ANXA13: variants seen among roughly 807,000 people sequenced by gnomAD.
ANXA13 encodes annexin A13.
Under a neutral mutation model 46.6 loss-of-function variants are expected in ANXA13, and 36 were observed. That is an observed-to-expected ratio of 0.77 (90% confidence interval 0.59 to 1.02). The LOEUF (loss-of-function observed/expected upper bound fraction) is 1.02, where lower values mean the gene tolerates loss of function less well. ANXA13 is among the 50% of genes least tolerant of loss of function. ANXA13 has a pLI of 0.00. For missense variants in ANXA13, 417 were observed against 396.5 expected, an observed-to-expected ratio of 1.05 and a Z score of -0.44; for synonymous variants, 163 against 152.9, an observed-to-expected ratio of 1.07 and a Z score of -0.49.
intron 10 of ANXA13, among the ~76,000 whole-genome samples, chr8:123,683,659 T>C (rs1286299803): frequency 6.7e-6 from 1 of 149,006 alleles, no homozygotes; most frequent in Non-Finnish European, 1.5e-5. Flanking sequence ...CCATCTTGGC[T>C]CACTGCAACC....
Position 123,698,564 on chromosome 8 carries a change from C to A in ANXA13, c.187-5G>T, listed in dbSNP as rs1813388759. On this transcript the variant is annotated splice_polypyrimidine_tract_variant and splice_region_variant and intron_variant, in intron 3 of 10. Transcript: ENST00000419625. ...CTTGAGTACTTCCTCCAGCTCCTAC[C>A]AGAAGACAGTGAGAGACGTGCTGGG... 6.2e-7 allele frequency: 1 copy of A among 1,613,580 alleles called. No individual in the cohort carries two copies. The highest frequency in any genetic ancestry group is 1.1e-5 in the South Asian group (1 of 91,056).
At chr8:123,703,400 G>A (rs1813482686) in intron 2 of ANXA13, among the ~76,000 whole-genome samples, 1 of 152,188 alleles carries the variant, frequency 6.6e-6, no homozygotes, top group Non-Finnish European at 1.5e-5. Context: ...TTGAAGTGAT[G>A]AAAATGTTCT....
intron 1 of ANXA13, among the ~76,000 whole-genome samples, chr8:123,736,923 A>C (rs1814280465): frequency 7.6e-6 from 1 of 131,260 alleles, no homozygotes; most frequent in African/African-American, 3.0e-5. Context: ...ATCTCGGCTT[A>C]TTGCAACCTC....
chr8:123,694,699 G>T (rs543484799), intron 6 of ANXA13, among the ~76,000 whole-genome samples: 1 of 152,180 alleles, frequency 6.6e-6, no homozygotes, highest in Admixed American at 6.5e-5. Context: ...CTGACCAAAG[G>T]ACTCAGCGAA....
chr8:123,726,452 C>T (rs1813995440), intron 1 of ANXA13, among the ~76,000 whole-genome samples: 1 of 152,214 alleles, frequency 6.6e-6, no homozygotes, highest in South Asian at 2.1e-4. Flanking sequence ...ACAATGTGGG[C>T]ATCCTGCCAT....
intron 2 of ANXA13, among the ~76,000 whole-genome samples, chr8:123,708,323 A>G (rs1463712482): frequency 6.6e-6 from 1 of 152,174 alleles, no homozygotes; most frequent in Non-Finnish European, 1.5e-5. Flanking sequence ...TTTTCTGGGA[A>G]GATACCGAGT....
intron 9 of ANXA13, among the ~76,000 whole-genome samples, chr8:123,685,723 T>C (rs1813129796): frequency 6.6e-6 from 1 of 152,086 alleles, no homozygotes; most frequent in Admixed American, 6.6e-5. Flanking sequence ...CCAGCCGCCT[T>C]TTACAGGCCA....
rs930629781 is a variant in ANXA13, at chr8:123,681,329, G to A, written c.862C>T (p.Gln288Ter). Residue 288 changes from glutamine (Q) to a stop codon, truncating the protein, a stop_gained, in exon 11 of 11, where the codon CAA (glutamine) becomes TAA (stop). Transcript: ENST00000419625. LOFTEE classifies it high-confidence loss of function. ...VDLQGIKAKF[Q>*]EKYQKSLSDM... The stretch of plus-strand genomic sequence containing the variant: ...GAGAGAGACTTCTGATACTTCTCTT[G>A]GAACTTTGCTTTGATCCCCTGAAGG... 6.2e-6 allele frequency: 10 copies of A among 1,613,886 alleles called. No homozygotes were observed. The highest frequency in any genetic ancestry group is 1.1e-5 in the South Asian group (1 of 91,054).
At chr8:123,686,345 A>G (rs1196313437) in intron 9 of ANXA13, among the ~76,000 whole-genome samples, 1 of 151,904 alleles carries the variant, frequency 6.6e-6, no homozygotes, top group African/African-American at 2.4e-5. Flanking sequence ...TGGTAATCCC[A>G]GTTACTTGAG....
At chr8:123,684,115 C>T (rs568102367) in intron 10 of ANXA13, among the ~76,000 whole-genome samples, 4 of 152,132 alleles carry the variant, frequency 2.6e-5, no homozygotes, top group African/African-American at 7.2e-5. Flanking sequence ...TGAAGAAACA[C>T]GTGTCTAAAA....
At position 123,690,314 on chromosome 8, in the gene ANXA13, C is replaced by A. The variant is rs1813211063; in HGVS notation, c.643-1368G>T. On this transcript the variant is annotated intron_variant, in intron 8 of 10. Transcript: ENST00000419625. The surrounding 1 kb of genome is among the most constrained non-coding windows in gnomAD (Gnocchi z 4.6). Reference sequence around the variant, plus strand: ...AGGGATTTTAAATTTTCTGTAGAATCTCAGCCTACAAAACAGATGAAAGCA... The same window carrying A: ...AGGGATTTTAAATTTTCTGTAGAATATCAGCCTACAAAACAGATGAAAGCA... Among the ~76,000 whole-genome samples the A allele has an allele frequency of 6.6e-6, 1 of 152,234 alleles. No homozygotes were observed. Among genetic ancestry groups the A allele is most frequent in the African/African-American group, 2.4e-5 (1 of 41,466 alleles).
intron 1 of ANXA13, among the ~76,000 whole-genome samples, chr8:123,736,285 G>A (rs1814266502): frequency 6.6e-6 from 1 of 152,170 alleles, no homozygotes; most frequent in African/African-American, 2.4e-5. Context: ...TATCATTCTT[G>A]CTGTGGAAAT....
intron 3 of ANXA13, among the ~76,000 whole-genome samples, chr8:123,702,222 A>G (rs1339573495): frequency 2.7e-5 from 4 of 150,494 alleles, no homozygotes; most frequent in Non-Finnish European, 5.9e-5. Flanking sequence ...AAATGTAAAG[A>G]AAAATAGGTG....
intron 1 of ANXA13, 95 bp from the exon 2 acceptor site, chr8:123,712,848 A>G: frequency 1.9e-6 from 2 of 1,051,322 alleles, no homozygotes. Flanking sequence ...CCAAATAGTC[A>G]TCCTAACCAG....
rs369827187 is a variant in ANXA13 at position 123,693,230 on chromosome 8, C to T, written c.609G>A (p.Lys203=). The stretch of plus-strand genomic sequence containing the variant: ...AGGCTTGAAAGGTGGCTCGTAACTG[C>T]TTGTAGCTCCTCTTGGCCAGGACTT... ...FNEVLAKRSY[K]QLRATFQAYQ... is the part of the protein sequence containing the mutation. Residue 203 remains lysine, a synonymous_variant, in exon 8 of 11, where the codon AAG becomes AAA. Coordinates refer to ENST00000419625, the MANE Select transcript of ANXA13 (RefSeq NM_004306.4). 30 of 1,614,086 alleles carry T rather than the reference C, an allele frequency of 1.9e-5. No homozygotes were observed. The highest frequency in any genetic ancestry group is 2.7e-5 in the African/African-American group (2 of 74,912).
chr8:123,714,672 A>G (rs1813729563), intron 1 of ANXA13, among the ~76,000 whole-genome samples: 1 of 152,230 alleles, frequency 6.6e-6, no homozygotes, highest in Non-Finnish European at 1.5e-5. Context: ...AGACTCCTAG[A>G]GCCGAAAGGA....
In ANXA13 at chr8:123,681,009, A is replaced by G. The variant is rs1813024437; in HGVS notation, c.*231T>C. On this transcript the variant is annotated 3_prime_UTR_variant, in exon 11 of 11. Transcript: ENST00000419625. ...CAGTTACCATGCTAAAAGAAAGTGA[A>G]GAGGCAGCCTAGATGCTTGCTAAGC... 2.1e-6 allele frequency: 1 copy of G among 483,304 alleles called. No individual in the cohort carries two copies. The highest frequency in any genetic ancestry group is 5.1e-5 in the South Asian group (1 of 19,482). 29.9% of individuals were successfully genotyped at this position (483,304 alleles called of 1,614,324 possible). A position where few individuals can be genotyped will look rare whatever the true frequency, so the allele number is the denominator to read the frequency against.
intron 2 of ANXA13, among the ~76,000 whole-genome samples, chr8:123,705,195 C>T (rs1188263468): frequency 6.6e-6 from 1 of 152,186 alleles, no homozygotes; most frequent in Non-Finnish European, 1.5e-5. Flanking sequence ...AACTCTTTTA[C>T]CTGTTCCTCT....
At chr8:123,724,475 A>G (rs1813944505) in intron 1 of ANXA13, among the ~76,000 whole-genome samples, 1 of 152,226 alleles carries the variant, frequency 6.6e-6, no homozygotes, top group African/African-American at 2.4e-5. Flanking sequence ...CAGGGTTGAG[A>G]ACCGTTAGTC....
Sources: allele counts gnomAD v4.1 joint callset (sites outside exome capture counted in the v4.1 genomes callset), GRCh38; gene constraint gnomAD v4.1.1; non-coding constraint Gnocchi (gnomAD v3.1); transcripts MANE v1.5; gene names NCBI Gene and HGNC (gene_info 2026-07-23, HGNC 2026-07-21).